FRMD4A: variants seen among roughly 807,000 people sequenced by gnomAD.
The protein encoded by FRMD4A is FERM domain containing 4A, also known as FERM domain-containing protein 4A.
FRMD4A carries 29 observed loss-of-function variants against 129.1 expected under a neutral mutation model. The ratio of observed to expected loss-of-function variants is 0.22; its 90% CI spans 0.17 to 0.31. The LOEUF (loss-of-function observed/expected upper bound fraction) is 0.31, where lower values mean the gene tolerates loss of function less well. FRMD4A is among the 10% of genes least tolerant of loss of function. The pLI, the probability that FRMD4A is intolerant of heterozygous loss-of-function variation, is 1.00. For missense variants in FRMD4A, 1,272 were observed against 1,375.8 expected, an observed-to-expected ratio of 0.92 and a Z score of 1.19; for synonymous variants, 634 against 571.6, an observed-to-expected ratio of 1.11 and a Z score of -1.56.
chr10:14,115,468 A>G lies in FRMD4A; in HGVS notation c.45+214590T>C, dbSNP rs115297419. ...CCAGAGATGAGGATATTGCTTATAT[A>G]ATTGTTCTCCTCTCCCTTACTCATA... On this transcript the variant is annotated intron_variant, in intron 2 of 24. Transcript: ENST00000357447. 8.0e-3 allele frequency among the ~76,000 whole-genome samples: 1,219 copies of G among 152,280 alleles called. 22 individuals carry two copies. The highest frequency in any genetic ancestry group is 0.028 in the African/African-American group (1,149 of 41,548).
intron 3 of FRMD4A, among the ~76,000 whole-genome samples, chr10:13,848,481 A>AG (rs2094087309): frequency 1.4e-5 from 1 of 69,424 alleles, no homozygotes; most frequent in Non-Finnish European, 2.9e-5. Context: ...AAGAAGGGGG[A>AG]GGGGGGCAGG....
intron 12 of FRMD4A, among the ~76,000 whole-genome samples, chr10:13,714,594 A>G (rs2088591177): frequency 6.6e-6 from 1 of 152,140 alleles, no homozygotes; most frequent in Admixed American, 6.5e-5. Flanking sequence ...TGCCTAATAC[A>G]TGTTTATATT....
intron 2 of FRMD4A, among the ~76,000 whole-genome samples, chr10:13,946,756 T>C (rs1392887672): frequency 6.6e-6 from 1 of 151,968 alleles, no homozygotes; most frequent in Non-Finnish European, 1.5e-5. Flanking sequence ...CAAGGTAAGG[T>C]GTGTGTCAAA....
At chr10:13,695,257 T>G (rs2086106568) in intron 14 of FRMD4A, among the ~76,000 whole-genome samples, 1 of 152,084 alleles carries the variant, frequency 6.6e-6, no homozygotes, top group Non-Finnish European at 1.5e-5. Flanking sequence ...TTTCCTGCCT[T>G]AGCCTCCTGA....
intron 9 of FRMD4A, among the ~76,000 whole-genome samples, chr10:13,742,659 GGT>G (rs1199107858): frequency 6.6e-6 from 1 of 152,134 alleles, no homozygotes; most frequent in Non-Finnish European, 1.5e-5. Flanking sequence ...TGGGATTATA[GGT>G]GTGCACCACC....
At chr10:14,084,237 C>G (rs974785362) in intron 2 of FRMD4A, among the ~76,000 whole-genome samples, 1 of 152,198 alleles carries the variant, frequency 6.6e-6, no homozygotes, top group African/African-American at 2.4e-5. Context: ...ACCTCCGCCT[C>G]CTGGGTTCAA....
At chr10:14,146,228 C>T (rs922458960) in intron 2 of FRMD4A, among the ~76,000 whole-genome samples, 1 of 152,152 alleles carries the variant, frequency 6.6e-6, no homozygotes, top group Non-Finnish European at 1.5e-5. Flanking sequence ...CTCCTGTCTT[C>T]GTCATCATTT....
intron 2 of FRMD4A, among the ~76,000 whole-genome samples, chr10:14,117,966 C>T (rs1383444069): frequency 1.3e-5 from 2 of 152,104 alleles, no homozygotes; most frequent in East Asian, 3.9e-4. Context: ...TTTAGGGTCA[C>T]CTGGAAGCCT....
chr10:13,752,687 C>T (rs550640414), intron 8 of FRMD4A, among the ~76,000 whole-genome samples: 1 of 152,250 alleles, frequency 6.6e-6, no homozygotes, highest in African/African-American at 2.4e-5. Flanking sequence ...TGGCCTCACT[C>T]CTCCATATTT....
intron 2 of FRMD4A, among the ~76,000 whole-genome samples, chr10:14,009,066 A>T (rs1208259941): frequency 6.6e-6 from 1 of 152,218 alleles, no homozygotes; most frequent in East Asian, 1.9e-4. Context: ...TTCGTTTTAC[A>T]CGGCTGTGTC....
chr10:13,662,573 G>C (rs376285069), intron 19 of FRMD4A, among the ~76,000 whole-genome samples: 1 of 152,108 alleles, frequency 6.6e-6, no homozygotes, highest in African/African-American at 2.4e-5. Flanking sequence ...TTTCTTCCCC[G>C]ACGTATGGTG....
intron 2 of FRMD4A, among the ~76,000 whole-genome samples, chr10:13,984,215 G>A (rs143683833): frequency 1.8e-3 from 275 of 152,224 alleles, no homozygotes; most frequent in African/African-American, 6.0e-3. Context: ...CCCACATGGC[G>A]GGGTTTTATG....
intron 2 of FRMD4A, among the ~76,000 whole-genome samples, chr10:14,304,003 A>G (rs572521719): frequency 2.6e-5 from 4 of 152,300 alleles, no homozygotes; most frequent in South Asian, 2.1e-4. Context: ...TCCATTTTAC[A>G]TATACAGCAT....
At chr10:14,273,939 A>G (rs753371661) in intron 2 of FRMD4A, among the ~76,000 whole-genome samples, 1 of 152,238 alleles carries the variant, frequency 6.6e-6, no homozygotes, top group Non-Finnish European at 1.5e-5. Context: ...AGAATAAAAC[A>G]TCAACCCTGA....
intron 2 of FRMD4A, among the ~76,000 whole-genome samples, chr10:14,055,466 C>A (rs113209295): frequency 9.0e-4 from 41 of 45,326 alleles, no homozygotes; most frequent in African/African-American, 3.9e-3. Context: ...CACACAAACA[C>A]ACACACACAC....
intron 2 of FRMD4A, among the ~76,000 whole-genome samples, chr10:14,115,523 CT>C (rs2131802350): frequency 6.6e-6 from 1 of 152,278 alleles, no homozygotes; most frequent in African/African-American, 2.4e-5. Flanking sequence ...TATTTGTCCC[CT>C]TTTAATCTCA....
intron 2 of FRMD4A, among the ~76,000 whole-genome samples, chr10:14,314,571 C>G (rs967624819): frequency 6.6e-5 from 10 of 152,238 alleles, no homozygotes; most frequent in Middle Eastern, 3.4e-3. Context: ...CCTCCTCTTT[C>G]TGCTTTTGGA....
At chr10:13,896,436 G>A (rs911891904) in intron 2 of FRMD4A, among the ~76,000 whole-genome samples, 6 of 152,044 alleles carry the variant, frequency 3.9e-5, no homozygotes, top group South Asian at 2.1e-4. Flanking sequence ...AACAAACACC[G>A]CATGTTCTCA....
intron 2 of FRMD4A, among the ~76,000 whole-genome samples, chr10:14,069,464 C>A (rs987913472): frequency 1.3e-5 from 2 of 152,096 alleles, no homozygotes; most frequent in Non-Finnish European, 2.9e-5. Context: ...TTCACTGTGA[C>A]CTGTGTGCCT....
Sources: gnomAD v4.1 joint callset for allele counts (sites outside exome capture counted in the v4.1 genomes callset) on GRCh38, gnomAD v4.1.1 for gene constraint, MANE v1.5 for transcripts, NCBI Gene and HGNC (gene_info 2026-07-23, HGNC 2026-07-21) for gene names.